The following AKAP6 variants were observed in gnomAD, a reference collection of about 807,000 sequenced individuals.
AKAP6 encodes the protein A-kinase anchoring protein 6, also known as A-kinase anchor protein 6.
In AKAP6, 58 loss-of-function variants were observed where a neutral mutation model predicts 188.5. That is an observed-to-expected ratio of 0.31 (90% CI 0.25 to 0.38). The LOEUF (loss-of-function observed/expected upper bound fraction) is 0.38. AKAP6 is among the 10% of genes least tolerant of loss of function. The probability of loss-of-function intolerance (pLI) is 1.00; values close to 1 mark genes in which losing one functional copy is unlikely to be tolerated. For synonymous variants in AKAP6, 989 were observed against 998.6 expected (o/e 0.99, Z 0.18); for missense variants, 2,710 against 2,740.0 (o/e 0.99, Z 0.24).
At chr14:32,360,812 C>G (rs1887634655) in intron 1 of AKAP6, among the ~76,000 whole-genome samples, 1 of 150,840 alleles carries the variant, frequency 6.6e-6, no homozygotes, top group Admixed American at 6.6e-5. Context: ...GTGGCATGAT[C>G]ACAACTCTGT....
intron 8 of AKAP6, among the ~76,000 whole-genome samples, chr14:32,687,213 C>T (rs1030438353): frequency 3.3e-5 from 5 of 152,002 alleles, no homozygotes; most frequent in East Asian, 1.9e-4. Context: ...AAATGAATCA[C>T]GATTTAAAAT....
intron 12 of AKAP6, among the ~76,000 whole-genome samples, chr14:32,809,727 GA>G: frequency 1.3e-5 from 2 of 152,164 alleles, no homozygotes; most frequent in South Asian, 4.1e-4. Flanking sequence ...ATTTTAGAGA[GA>G]AAAAAATAAA....
At chr14:32,800,850 G>A (rs763079645) in intron 12 of AKAP6, among the ~76,000 whole-genome samples, 1 of 151,740 alleles carries the variant, frequency 6.6e-6, no homozygotes, top group Non-Finnish European at 1.5e-5. Flanking sequence ...ACCCATCTAT[G>A]CAAAAAAAAT....
intron 1 of AKAP6, among the ~76,000 whole-genome samples, chr14:32,422,697 C>A (rs116947851): frequency 0.012 from 1,850 of 152,244 alleles, 13 homozygotes; most frequent in Non-Finnish European, 0.02. Context: ...TTCTGAGTCA[C>A]CTTATTAGCA....
chr14:32,386,054 G>T (rs934137573), intron 1 of AKAP6, among the ~76,000 whole-genome samples: 4 of 149,786 alleles, frequency 2.7e-5, no homozygotes, highest in East Asian at 2.0e-4. Context: ...TCTTTATTTG[G>T]GTTGGTTTCA....
Position 32,824,150 on chromosome 14 carries a change from T to C in AKAP6, c.6337T>C (p.Leu2113=). 1 of 1,613,998 alleles carries C rather than the reference T, an allele frequency of 6.2e-7. No homozygotes were observed. Among genetic ancestry groups the C allele is most frequent in the Non-Finnish European group, 8.5e-7 (1 of 1,179,934 alleles). ...GAGAAAAGGGGACTTTTATTCGTAC[T>C]TATCTCTCTCATCTCATGACAGTGA... ...QLRKGDFYSY[L]SLSSHDSDCG... Residue 2113 remains leucine (L), a synonymous_variant, in exon 13 of 14, where the codon TTA becomes CTA. Transcript: ENST00000280979.
At position 32,823,377 on chromosome 14, in the gene AKAP6, G is replaced by C. The variant is rs1050582204; in HGVS notation, c.5564G>C (p.Arg1855Pro). 1.9e-6 allele frequency: 3 copies of C among 1,613,734 alleles called. No homozygotes were observed. In the East Asian group the frequency reaches 6.7e-5, roughly 36 times the overall value. The part of the protein sequence containing the change: ...IETLLNGSVK[R>P]VSENNGNGKN... Reference sequence around the variant, plus strand: ...ACCCTTCTAAATGGCTCTGTAAAACGTGTCTCTGAAAATAATGGAAATGGT... The same window carrying C: ...ACCCTTCTAAATGGCTCTGTAAAACCTGTCTCTGAAAATAATGGAAATGGT... The change falls in exon 13 of 14, where the codon CGT becomes CCT. Residue 1855 changes from arginine (R) to proline (P), a missense_variant. Arg to Pro is a moderately radical substitution (Grantham distance 103). Around this residue, in one of 2 missense-constraint regions of AKAP6, gnomAD observed 2,473 missense variants for 2,426.1 expected, o/e 1.02. Coordinates refer to ENST00000280979, the MANE Select transcript of AKAP6 (RefSeq NM_004274.5).
At position 32,600,771 on chromosome 14, in the gene AKAP6, G is replaced by C. The variant is rs150992068; in HGVS notation, c.2709G>C (p.Glu903Asp). 60 of 1,607,512 alleles carry C rather than the reference G, an allele frequency of 3.7e-5. No individual in the cohort carries two copies. The African/African-American group carries it at 8.0e-4, about 21-fold the overall frequency. The change falls in exon 7 of 14, where the codon GAG (glutamate) becomes GAC (aspartate). Residue 903 changes from glutamate (E) to aspartate (D), a missense_variant. Transcript: ENST00000280979. ...CTACTGATGTGTCTGTGGAGGATGA[G>C]GAAGGGACTGGAAGCCCCAAGGTAA... The part of the protein sequence containing the change: ...ILATDVSVED[E>D]EGTGSPKAEV...
At chr14:32,774,603 G>A (rs540503393) in intron 12 of AKAP6, among the ~76,000 whole-genome samples, 3 of 152,210 alleles carry the variant, frequency 2.0e-5, no homozygotes, top group South Asian at 4.1e-4. Flanking sequence ...TGTAATATAC[G>A]ATGCATATTT....
chr14:32,608,657 G>A (rs1186468922), intron 7 of AKAP6, among the ~76,000 whole-genome samples: 1 of 152,092 alleles, frequency 6.6e-6, no homozygotes, highest in Non-Finnish European at 1.5e-5. Context: ...GACAGGAATA[G>A]GTAGCTTACT....
chr14:32,719,618 T>C (rs2139781546), intron 9 of AKAP6, among the ~76,000 whole-genome samples: 1 of 152,294 alleles, frequency 6.6e-6, no homozygotes, highest in African/African-American at 2.4e-5. Context: ...ATTTTTGAGG[T>C]GTGGAGCATC....
chr14:32,540,050 A>G lies in AKAP6; in HGVS notation c.576+4245A>G, dbSNP rs1175988784. On this transcript the variant is annotated intron_variant, in intron 3 of 13. Coordinates refer to ENST00000280979, the MANE Select transcript of AKAP6 (RefSeq NM_004274.5). Reference sequence around the variant, plus strand: ...AAGAAGGCATTTGGAACTAGGCTTCAGTTAATTATGGAAAAGGAACAGAGT... The same window carrying G: ...AAGAAGGCATTTGGAACTAGGCTTCGGTTAATTATGGAAAAGGAACAGAGT... Among the ~76,000 whole-genome samples the G allele has an allele frequency of 2.0e-5, 3 of 150,704 alleles. No homozygotes were observed. In the East Asian group the frequency reaches 5.9e-4, roughly 30 times the overall value.
At position 32,824,482 on chromosome 14, in the gene AKAP6, G is replaced by A; in HGVS notation, c.6669G>A (p.Glu2223=). Reference sequence around the variant, plus strand: ...GTCCTTCCTCTCAGGAAAGAGCTGAGGTTGGAAAGGAAGTGAATGGTTTGC... The same window carrying A: ...GTCCTTCCTCTCAGGAAAGAGCTGAAGTTGGAAAGGAAGTGAATGGTTTGC... ...LSSPSSQERA[E]VGKEVNGLPQ... is the part of the protein sequence containing the mutation. The change falls in exon 13 of 14, where the codon GAG becomes GAA. Residue 2223 remains glutamate, a synonymous_variant. Coordinates refer to ENST00000280979, the MANE Select transcript of AKAP6 (RefSeq NM_004274.5). 1.2e-6 allele frequency: 2 copies of A among 1,613,970 alleles called. No homozygotes were observed. Among genetic ancestry groups the A allele is most frequent in the East Asian group, 2.2e-5 (1 of 44,864 alleles).
At position 32,831,201 on chromosome 14, in the gene AKAP6, G is replaced by A. The variant is rs763186664; in HGVS notation, c.*1396G>A. On this transcript the variant is annotated 3_prime_UTR_variant, in exon 14 of 14. Coordinates refer to ENST00000280979, the MANE Select transcript of AKAP6 (RefSeq NM_004274.5). ...TTTGACTATTATTTATAGATTTCAG[G>A]TATATTTATATGTGTAAAAGAAATT... 6.6e-6 allele frequency: 1 copy of A among 152,080 alleles called. No individual in the cohort carries two copies. Among genetic ancestry groups the A allele is most frequent in the African/African-American group, 2.4e-5 (1 of 41,406 alleles). The allele number at this position is 152,080 out of a possible 1,614,324, so 9.4% of individuals were successfully genotyped here.
intron 7 of AKAP6, among the ~76,000 whole-genome samples, chr14:32,672,732 A>T (rs772806522): frequency 3.3e-5 from 5 of 152,190 alleles, no homozygotes; most frequent in Non-Finnish European, 7.4e-5. Context: ...CAGAGGTACT[A>T]GTTACTAGAA....
At chr14:32,414,675 G>A (rs1053658940) in intron 1 of AKAP6, among the ~76,000 whole-genome samples, 3 of 152,102 alleles carry the variant, frequency 2.0e-5, no homozygotes, top group African/African-American at 2.4e-5. Context: ...GAACATATAT[G>A]TATATAATTA....
chr14:32,739,999 CA>C (rs2031603359), intron 11 of AKAP6, among the ~76,000 whole-genome samples: 1 of 151,984 alleles, frequency 6.6e-6, no homozygotes, highest in African/African-American at 2.4e-5. Flanking sequence ...CAACAGTGAA[CA>C]AAAGTTCCCT....
chr14:32,512,210 T>C (rs965939651), intron 2 of AKAP6, among the ~76,000 whole-genome samples: 1 of 152,158 alleles, frequency 6.6e-6, no homozygotes, highest in Non-Finnish European at 1.5e-5. Flanking sequence ...TTGGTTGATA[T>C]TTATATTTAC....
chr14:32,509,148 A>ATT (rs1881037172), intron 2 of AKAP6, among the ~76,000 whole-genome samples: 1 of 53,096 alleles, frequency 1.9e-5, no homozygotes, highest in East Asian at 7.3e-4. Context: ...TTTTTTTGAG[A>ATT]GAGTCTTGCT....
Sources: gnomAD v4.1 joint callset for allele counts (sites outside exome capture counted in the v4.1 genomes callset) on GRCh38, gnomAD v4.1.1 for gene constraint, gnomAD v4.1.1 regional missense constraint, MANE v1.5 for transcripts, NCBI Gene and HGNC (gene_info 2026-07-23, HGNC 2026-07-21) for gene names.